The following RNF213 variants were observed in gnomAD, a reference collection of about 807,000 sequenced individuals.
The protein encoded by RNF213 is E3 ubiquitin-protein ligase RNF213.
A neutral mutation model predicts 514.4 loss-of-function variants in RNF213; 341 were observed. That is an observed-to-expected ratio of 0.66 (90% CI 0.61 to 0.73). The LOEUF is 0.73. Among genes scored for constraint, RNF213 ranks in the 30% least tolerant of loss-of-function variants. RNF213 has a pLI of 0.00. For synonymous variants in RNF213, 2,655 were observed against 2,658.2 expected (o/e 1.00, Z 0.04); for missense variants, 5,767 against 6,615.6 (o/e 0.87, Z 4.45).
intron 28 of RNF213, 28 bp downstream of exon 28, chr17:80,344,043 G>C: frequency 6.2e-7 from 1 of 1,606,040 alleles, no homozygotes; most frequent in South Asian, 1.1e-5. Flanking sequence ...TTTTCGCCTG[G>C]CGTGGGGGGC....
At chr17:80,385,288 C>T in intron 60 of RNF213, 117 bp downstream of exon 60, 4 of 1,289,310 alleles carry the variant, frequency 3.1e-6, no homozygotes, top group Non-Finnish European at 4.5e-6. Context: ...TGCTCTATAG[C>T]CTAAGCCCTT....
At chr17:80,291,171 T>C (rs2044713439) in intron 7 of RNF213, among the ~76,000 whole-genome samples, 1 of 152,168 alleles carries the variant, frequency 6.6e-6, no homozygotes, top group South Asian at 2.1e-4. Context: ...AGATGAATAT[T>C]TCAGACAGCT....
At chr17:80,331,759 T>C (rs1232898701) in intron 20 of RNF213, among the ~76,000 whole-genome samples, 1 of 152,202 alleles carries the variant, frequency 6.6e-6, no homozygotes, top group East Asian at 1.9e-4. Context: ...AGAGAGTAAA[T>C]AGGTGCGTGT....
intron 11 of RNF213, among the ~76,000 whole-genome samples, chr17:80,304,340 A>G (rs927073476): frequency 6.6e-6 from 1 of 152,098 alleles, no homozygotes; most frequent in Non-Finnish European, 1.5e-5. Flanking sequence ...GACACTCGTT[A>G]ATAATAATTA....
rs2078080596 is a variant in RNF213, at chr17:80,339,302, C to A, written c.4935C>A (p.Pro1645=). ...RTWIAMAYCS[P]KQGVSLQMDF... ...GGATCGCCATGGCCTACTGCTCCCC[C>A]AAGCAGGGTGTGTCCCTCCAAATGG... The change falls in exon 26 of 68, where the codon CCC becomes CCA. Residue 1645 remains proline, a synonymous_variant. Transcript: ENST00000582970. 1 of 1,536,880 alleles carries A rather than the reference C, an allele frequency of 6.5e-7. No individual in the cohort carries two copies. The highest frequency in any genetic ancestry group is 2.0e-5 in the Admixed American group (1 of 50,996).
rs34659718 is a variant in RNF213, at chr17:80,277,595, C to CAA, written c.261+4212_261+4213dup. ...CCTGGGCGACAGTGAGACTCTGTCT[C>CAA]AAAAAAAAAAAAAAAAAAAAAAGCC... On this transcript the variant is annotated intron_variant, in intron 3 of 67. Transcript: ENST00000582970. Among the ~76,000 whole-genome samples, 210 of 69,140 alleles carry CAA rather than the reference C, an allele frequency of 3.0e-3. 1 individual carries two copies. Among genetic ancestry groups the CAA allele is most frequent in the African/African-American group, 5.0e-3 (95 of 18,908 alleles). The allele number at this position is 69,140 out of a possible 152,430, so 45.4% of individuals were successfully genotyped here. A position where few individuals can be genotyped will look rare whatever the true frequency, so the allele number is the denominator to read the frequency against.
chr17:80,361,830 G>A lies in RNF213; in HGVS notation c.11297G>A (p.Cys3766Tyr). Residue 3766 changes from cysteine to tyrosine, a missense_variant, in exon 39 of 68, where the codon TGT (cysteine) becomes TAT (tyrosine). This residue lies in a region of RNF213 where 355 missense variants were observed against 358.0 expected (regional missense o/e 0.99). Coordinates refer to ENST00000582970, the MANE Select transcript of RNF213 (RefSeq NM_001256071.3). The part of the protein sequence containing the change: ...HGEPQQELLQ[C>Y]YLKDFILLTM... ...GAGCCGCAGCAGGAACTTCTTCAGTGTTACTTGAAGGATTTCATTCTCTTG... is the reference window on the plus strand; with the variant it reads ...GAGCCGCAGCAGGAACTTCTTCAGTATTACTTGAAGGATTTCATTCTCTTG... The A allele has an allele frequency of 6.2e-7, 1 of 1,613,972 alleles. No individual in the cohort carries two copies. The highest frequency in any genetic ancestry group is 8.5e-7 in the Non-Finnish European group (1 of 1,179,844).
At chr17:80,308,296 C>G (rs931497234) in intron 13 of RNF213, among the ~76,000 whole-genome samples, 4 of 152,088 alleles carry the variant, frequency 2.6e-5, no homozygotes, top group African/African-American at 9.7e-5. Context: ...CTCCCCACCA[C>G]TGTGTGTCAC....
At chr17:80,313,867 TGAAG>T (rs2045696055) in intron 15 of RNF213, among the ~76,000 whole-genome samples, 2 of 74,200 alleles carry the variant, frequency 2.7e-5, no homozygotes, top group African/African-American at 6.1e-5. Context: ...ATGGTGGTGG[TGAAG>T]GTGATGGTGG....
At chr17:80,296,731 T>G (rs912767394) in intron 10 of RNF213, among the ~76,000 whole-genome samples, 5 of 152,188 alleles carry the variant, frequency 3.3e-5, no homozygotes, top group African/African-American at 4.8e-5. Flanking sequence ...TCCCCCAGTC[T>G]GGAGTGCAGT....
Position 80,382,758 on chromosome 17 carries a change from T to C in RNF213, c.13979-221T>C, listed in dbSNP as rs141902510. The C allele has an allele frequency of 2.3e-3, 1,095 of 474,612 alleles. 7 individuals are homozygous for C. The highest frequency in any genetic ancestry group is 0.017 in the African/African-American group (848 of 50,620). 29.4% of individuals were successfully genotyped at this position (474,612 alleles called of 1,614,324 possible). A position where few individuals can be genotyped will look rare whatever the true frequency, so the allele number is the denominator to read the frequency against. On this transcript the variant is annotated intron_variant, in intron 57 of 67. Coordinates refer to ENST00000582970, the MANE Select transcript of RNF213 (RefSeq NM_001256071.3). The stretch of plus-strand genomic sequence containing the variant: ...TTCAAAATGGGTCTAAGATTACAAT[T>C]ATGTAGGATAGAGGAATTTTTAGAG...
At chr17:80,368,274 G>C (rs2079361252) in intron 44 of RNF213, 131 bp downstream of exon 44, 1 of 943,416 alleles carries the variant, frequency 1.1e-6, no homozygotes, top group Non-Finnish European at 1.7e-6. Flanking sequence ...ACTATCATAA[G>C]AGACGCCACT....
At chr17:80,329,989 A>T in intron 20 of RNF213, among the ~76,000 whole-genome samples, 1 of 152,096 alleles carries the variant, frequency 6.6e-6, no homozygotes, top group East Asian at 1.9e-4. Context: ...GACCTCCTGG[A>T]TGATCATCTA....
intron 20 of RNF213, among the ~76,000 whole-genome samples, chr17:80,329,270 A>T (rs2046353837): frequency 6.6e-6 from 1 of 152,206 alleles, no homozygotes; most frequent in Non-Finnish European, 1.5e-5. Flanking sequence ...AAACCCTCGA[A>T]TCCTTGTGTG....
At chr17:80,309,406 G>A (rs571740256) in intron 14 of RNF213, among the ~76,000 whole-genome samples, 139 of 152,284 alleles carry the variant, frequency 9.1e-4, no homozygotes, top group African/African-American at 2.9e-3. Context: ...TGGGAGGGAG[G>A]CAGGGAGTTA....
rs1043520036 is a variant in RNF213 at position 80,346,343 on chromosome 17, A to G, written c.8008A>G (p.Ser2670Gly). The change falls in exon 29 of 68, where the codon AGC becomes GGC. Residue 2670 changes from serine (S) to glycine (G), a missense_variant. Physicochemically the swap from Ser to Gly is moderately conservative, Grantham distance 56. This residue lies in a region of RNF213 where 1,377 missense variants were observed against 1,635.2 expected (regional missense o/e 0.84). Transcript: ENST00000582970. The surrounding 1 kb of genome is among the most constrained non-coding windows in gnomAD (Gnocchi z 8.1). ...AQLNAFLSKS[S>G]VSKNHTERDP... Reference sequence around the variant, plus strand: ...GCTGAATGCCTTTCTCTCCAAGTCCAGCGTCAGCAAAAATCACACCGAGAG... The same window carrying G: ...GCTGAATGCCTTTCTCTCCAAGTCCGGCGTCAGCAAAAATCACACCGAGAG... The G allele has an allele frequency of 1.9e-6, 3 of 1,613,798 alleles. No individual in the cohort carries two copies. The highest frequency in any genetic ancestry group is 2.5e-6 in the Non-Finnish European group (3 of 1,180,020).
intron 10 of RNF213, 24 bp downstream of exon 10, chr17:80,295,837 G>GT (rs757859532): frequency 3.1e-6 from 5 of 1,612,834 alleles, no homozygotes; most frequent in Non-Finnish European, 4.2e-6. Flanking sequence ...TTGTCAAAAT[G>GT]TTTTTTATAG....
chr17:80,277,427 G>A (rs368281638), intron 3 of RNF213, among the ~76,000 whole-genome samples: 17 of 152,020 alleles, frequency 1.1e-4, no homozygotes, highest in African/African-American at 3.4e-4. Context: ...GGGAAACCCC[G>A]TCTCTACTAA....
intron 17 of RNF213, 148 bp downstream of exon 17, chr17:80,319,460 G>A (rs2046064279): frequency 2.2e-5 from 35 of 1,614,070 alleles, no homozygotes; most frequent in African/African-American, 4.0e-5. Context: ...CCTCGCCAAG[G>A]GCAATGGCGC....
Sources: gnomAD v4.1 joint callset for allele counts (sites outside exome capture counted in the v4.1 genomes callset) on GRCh38, gnomAD v4.1.1 for gene constraint, gnomAD v4.1.1 regional missense constraint, Gnocchi (gnomAD v3.1) non-coding constraint, MANE v1.5 for transcripts, NCBI Gene and HGNC (gene_info 2026-07-23, HGNC 2026-07-21) for gene names.